Variants in GPC5 observed in about 807,000 individuals in gnomAD.
GPC5 encodes glypican 5.
In GPC5, 47 loss-of-function variants were observed where a neutral mutation model predicts 53.9. The ratio of observed to expected loss-of-function variants is 0.87; its 90% CI spans 0.69 to 1.11. GPC5 has a LOEUF of 1.11. GPC5 is among the 50% of genes most tolerant of loss of function. GPC5 has a pLI of 0.00. For missense variants in GPC5, 748 were observed against 713.1 expected (o/e 1.05, Z -0.56); for synonymous variants, 286 against 263.3 (o/e 1.09, Z -0.84).
At chr13:91,484,267 T>A (rs891605369) in intron 2 of GPC5, among the ~76,000 whole-genome samples, 1 of 152,172 alleles carries the variant, frequency 6.6e-6, no homozygotes, top group Non-Finnish European at 1.5e-5. Flanking sequence ...CCTGAAAGGG[T>A]TCTCAACCTT....
intron 7 of GPC5, among the ~76,000 whole-genome samples, chr13:92,364,708 T>C (rs2043594692): frequency 2.0e-5 from 3 of 151,684 alleles, no homozygotes; most frequent in East Asian, 1.9e-4. Flanking sequence ...CCAGTCTGGG[T>C]GACAGAGTGA....
At chr13:91,658,750 A>C (rs566808159) in intron 2 of GPC5, among the ~76,000 whole-genome samples, 2 of 152,090 alleles carry the variant, frequency 1.3e-5, no homozygotes, top group Non-Finnish European at 2.9e-5. Context: ...ACTTTCCTCC[A>C]TCATCCCTCA....
At chr13:92,768,962 G>A (rs886478216) in intron 7 of GPC5, among the ~76,000 whole-genome samples, 3 of 152,040 alleles carry the variant, frequency 2.0e-5, no homozygotes, top group African/African-American at 7.3e-5. Flanking sequence ...GATCACCCGT[G>A]CTGACTTAAA....
chr13:92,710,215 T>C (rs1888086302), intron 7 of GPC5, among the ~76,000 whole-genome samples: 1 of 152,190 alleles, frequency 6.6e-6, no homozygotes, highest in Non-Finnish European at 1.5e-5. Context: ...TCTCTGTAAA[T>C]GATGTTAAAT....
chr13:91,616,953 G>A lies in GPC5; in HGVS notation c.326-76234G>A, dbSNP rs73603993. Among the ~76,000 whole-genome samples, 1,281 of 152,076 alleles carry A rather than the reference G, an allele frequency of 8.4e-3. 20 individuals are homozygous for A. Among genetic ancestry groups the A allele is most frequent in the African/African-American group, 0.03 (1,233 of 41,502 alleles). On this transcript the variant is annotated intron_variant, in intron 2 of 7. Transcript: ENST00000377067. ...CCTGTCTTTGCACAAAACATCTTTT[G>A]GGGGGTGTTCAAATTTCTACTTAAA...
At chr13:92,533,616 C>A (rs1485828043) in intron 7 of GPC5, among the ~76,000 whole-genome samples, 1 of 152,064 alleles carries the variant, frequency 6.6e-6, no homozygotes, top group Non-Finnish European at 1.5e-5. Context: ...AACACATACT[C>A]GGCAGAAACT....
chr13:91,956,151 C>G (rs1371290651), intron 6 of GPC5, among the ~76,000 whole-genome samples: 1 of 151,974 alleles, frequency 6.6e-6, no homozygotes, highest in Non-Finnish European at 1.5e-5. Context: ...ACAGGCCCAC[C>G]CAGTTCAGTT....
At chr13:92,087,643 C>A (rs187959221) in intron 6 of GPC5, among the ~76,000 whole-genome samples, 9 of 152,208 alleles carry the variant, frequency 5.9e-5, no homozygotes, top group Admixed American at 2.0e-4. Context: ...AGTGATCCTT[C>A]CTCTTAACTA....
At chr13:91,557,857 C>G (rs1015490568) in intron 2 of GPC5, among the ~76,000 whole-genome samples, 1 of 152,066 alleles carries the variant, frequency 6.6e-6, no homozygotes, top group African/African-American at 2.4e-5. Flanking sequence ...AGAGCTTTAG[C>G]CGTTTAAAGC....
intron 7 of GPC5, among the ~76,000 whole-genome samples, chr13:92,575,720 A>C (rs1375687472): frequency 6.6e-6 from 1 of 151,986 alleles, no homozygotes; most frequent in Non-Finnish European, 1.5e-5. Context: ...TCTTTATCTC[A>C]TTTTGTTTCT....
At chr13:91,492,373 G>A (rs551242119) in intron 2 of GPC5, among the ~76,000 whole-genome samples, 25 of 152,224 alleles carry the variant, frequency 1.6e-4, no homozygotes, top group African/African-American at 5.5e-4. Flanking sequence ...TCTGCAAGAC[G>A]GAGAATCAGG....
intron 2 of GPC5, among the ~76,000 whole-genome samples, chr13:91,458,756 G>A (rs1293636540): frequency 6.6e-6 from 1 of 152,078 alleles, no homozygotes; most frequent in Non-Finnish European, 1.5e-5. Flanking sequence ...GCACACATGT[G>A]TTTATAGCAG....
At chr13:91,969,699 G>A (rs1176834498) in intron 6 of GPC5, among the ~76,000 whole-genome samples, 1 of 151,994 alleles carries the variant, frequency 6.6e-6, no homozygotes, top group East Asian at 1.9e-4. Flanking sequence ...TTAAAACTTG[G>A]CAAAGGATCT....
chr13:91,554,286 A>G (rs1459790137), intron 2 of GPC5, among the ~76,000 whole-genome samples: 1 of 152,020 alleles, frequency 6.6e-6, no homozygotes, highest in Non-Finnish European at 1.5e-5. Flanking sequence ...CAACAGAGAC[A>G]CATACACAGA....
intron 7 of GPC5, among the ~76,000 whole-genome samples, chr13:92,174,135 G>A (rs1181733751): frequency 6.6e-6 from 1 of 151,828 alleles, no homozygotes; most frequent in African/African-American, 2.4e-5. Context: ...GACATCTTTG[G>A]ATATTCTTAG....
intron 6 of GPC5, among the ~76,000 whole-genome samples, chr13:92,079,201 G>A (rs1207778002): frequency 3.3e-5 from 5 of 151,946 alleles, no homozygotes; most frequent in African/African-American, 1.2e-4. Flanking sequence ...ACAGGCACCC[G>A]CCACCATGCC....
chr13:92,811,940 A>G (rs1213382300), intron 7 of GPC5, among the ~76,000 whole-genome samples: 3 of 151,920 alleles, frequency 2.0e-5, no homozygotes, highest in Admixed American at 1.3e-4. Flanking sequence ...TCTGAACTCA[A>G]TTGTATTCCA....
chr13:91,490,587 C>A lies in GPC5; in HGVS notation c.325+41665C>A, dbSNP rs930009521. Among the ~76,000 whole-genome samples the A allele has an allele frequency of 3.3e-5, 5 of 152,224 alleles. 1 individual carries two copies. In the East Asian group the frequency reaches 7.7e-4, roughly 24 times the overall value. On this transcript the variant is annotated intron_variant, in intron 2 of 7. Coordinates refer to ENST00000377067, the MANE Select transcript of GPC5 (RefSeq NM_004466.6). ...GGCAAGCTAATGATAAATAAATATT[C>A]ATTGACTGCTGGTGTTATGACCCAA...
intron 7 of GPC5, among the ~76,000 whole-genome samples, chr13:92,311,315 G>A (rs1053686163): frequency 3.9e-5 from 6 of 152,170 alleles, no homozygotes; most frequent in Admixed American, 3.3e-4. Context: ...GATGGCTCCT[G>A]CCCTTTAGGG....
Sources: allele counts gnomAD v4.1 joint callset (sites outside exome capture counted in the v4.1 genomes callset), GRCh38; gene constraint gnomAD v4.1.1; transcripts MANE v1.5; gene names NCBI Gene and HGNC (gene_info 2026-07-23, HGNC 2026-07-21).